The following CAPN15 variants were observed in gnomAD, a reference collection of about 807,000 sequenced individuals.
CAPN15 encodes calpain-15.
Under a neutral mutation model 97.9 loss-of-function variants are expected in CAPN15, and 53 were observed. The observed-to-expected ratio is 0.54, with a 90% confidence interval of 0.43 to 0.68. The LOEUF (loss-of-function observed/expected upper bound fraction) is 0.68. CAPN15 is among the 30% of genes least tolerant of loss of function. CAPN15 has a pLI of 0.00. For synonymous variants in CAPN15, 922 were observed against 722.5 expected, an observed-to-expected ratio of 1.28 and a Z score of -4.43; for missense variants, 1,592 against 1,589.8, an observed-to-expected ratio of 1.00 and a Z score of -0.02.
chr16:541,630 G>C (rs1306079835), intron 3 of CAPN15, among the ~76,000 whole-genome samples: 1 of 152,182 alleles, frequency 6.6e-6, no homozygotes, highest in Non-Finnish European at 1.5e-5. Flanking sequence ...AGACTCACCT[G>C]TTAAAAGAGT....
Position 536,082 on chromosome 16 carries a change from A to G in CAPN15, c.-83A>G. ...TGACCTGACCTGCGTCCTCGGGGCC[A>G]CTGCACTGGGTGATTCACGTGTGCC... On this transcript the variant is annotated 5_prime_UTR_variant, in exon 3 of 14. Coordinates refer to ENST00000219611, the MANE Select transcript of CAPN15 (RefSeq NM_005632.3). 2 of 965,888 alleles carry G rather than the reference A, an allele frequency of 2.1e-6. No homozygotes were observed. The highest frequency in any genetic ancestry group is 2.4e-6 in the Non-Finnish European group (2 of 826,638). 59.8% of individuals were successfully genotyped at this position (965,888 alleles called of 1,614,324 possible).
At chr16:534,909 C>T (rs994957676) in intron 2 of CAPN15, among the ~76,000 whole-genome samples, 12 of 152,168 alleles carry the variant, frequency 7.9e-5, no homozygotes, top group African/African-American at 2.7e-4. Context: ...AGATGTAGGG[C>T]CCAGGAGCAG....
Position 547,092 on chromosome 16 carries a change from G to T in CAPN15, c.254G>T (p.Gly85Val). 6.3e-7 allele frequency: 1 copy of T among 1,590,396 alleles called. No homozygotes were observed. Among genetic ancestry groups the T allele is most frequent in the East Asian group, 2.3e-5 (1 of 44,194 alleles). ...PGAAFLPVLN[G>V]VLPKPPAILG... is the part of the protein sequence containing the mutation. Reference sequence around the variant, plus strand: ...GCTGCCTTCCTGCCAGTCCTCAACGGGGTCCTCCCCAAGCCACCCGCCATC... The same window carrying T: ...GCTGCCTTCCTGCCAGTCCTCAACGTGGTCCTCCCCAAGCCACCCGCCATC... Residue 85 changes from glycine to valine, a missense_variant, in exon 4 of 14, where the codon GGG (glycine) becomes GTG (valine). Physicochemically the swap from Gly to Val is moderately radical, Grantham distance 109. Around this residue, in one of 3 missense-constraint regions of CAPN15, gnomAD observed 883 missense variants for 776.6 expected, o/e 1.14. Transcript: ENST00000219611.
Position 547,579 on chromosome 16 carries a change from C to G in CAPN15, c.741C>G (p.Ser247Arg). The G allele has an allele frequency of 1.3e-6, 2 of 1,581,194 alleles. No homozygotes were observed. The highest frequency in any genetic ancestry group is 1.7e-6 in the Non-Finnish European group (2 of 1,166,538). The part of the protein sequence containing the change: ...STLQNNPVPR[S>R]RREVPPQLQP... ...TGCAGAACAACCCCGTGCCGCGCAG[C>G]CGACGCGAGGTTCCCCCCCAGCTGC... Residue 247 changes from serine (S) to arginine (R), a missense_variant, in exon 4 of 14, where the codon AGC (serine) becomes AGG (arginine). Ser to Arg is a moderately radical substitution (Grantham distance 110). Coordinates refer to ENST00000219611, the MANE Select transcript of CAPN15 (RefSeq NM_005632.3).
At chr16:530,339 G>A (rs924425000) in intron 1 of CAPN15, among the ~76,000 whole-genome samples, 2 of 152,210 alleles carry the variant, frequency 1.3e-5, no homozygotes, top group Non-Finnish European at 2.9e-5. Flanking sequence ...CAGAGCAGGC[G>A]GTCAGTGAGC....
chr16:544,923 C>T (rs2034483391), intron 3 of CAPN15, among the ~76,000 whole-genome samples: 1 of 129,676 alleles, frequency 7.7e-6, no homozygotes, highest in Non-Finnish European at 1.5e-5. Flanking sequence ...CGTCGTCTGC[C>T]CTGAGCCCGC....
At chr16:542,395 G>A (rs940833619) in intron 3 of CAPN15, among the ~76,000 whole-genome samples, 3 of 152,124 alleles carry the variant, frequency 2.0e-5, no homozygotes, top group African/African-American at 7.2e-5. Context: ...GTTCCCACCG[G>A]CAACGCTGGG....
chr16:528,718 C>T, intron 1 of CAPN15: 1 of 985,400 alleles, frequency 1.0e-6, no homozygotes, highest in Non-Finnish European at 1.2e-6. Context: ...TACCGGACTG[C>T]AGGTAACAAG....
rs2035262907 is a variant in CAPN15 at position 553,529 on chromosome 16, G to A, written c.*13G>A. The A allele has an allele frequency of 1.3e-6, 2 of 1,592,526 alleles. No individual in the cohort carries two copies. Among genetic ancestry groups the A allele is most frequent in the Non-Finnish European group, 1.7e-6 (2 of 1,166,248 alleles). On this transcript the variant is annotated 3_prime_UTR_variant, in exon 14 of 14. Transcript: ENST00000219611. ...CCGACCGCTGTGACCACCATGCCTG[G>A]GGCAGGGGCTGTGCACAGACGGACC...
At chr16:542,226 G>C (rs1334535888) in intron 3 of CAPN15, among the ~76,000 whole-genome samples, 1 of 152,248 alleles carries the variant, frequency 6.6e-6, no homozygotes, top group Non-Finnish European at 1.5e-5. Context: ...CGTGGCTTCT[G>C]TGGACAATGC....
rs772660924 is a variant in CAPN15 at position 547,090 on chromosome 16, C to T, written c.252C>T (p.Asn84=). 62 of 1,590,050 alleles carry T rather than the reference C, an allele frequency of 3.9e-5. No homozygotes were observed. The highest frequency in any genetic ancestry group is 4.7e-5 in the Non-Finnish European group (55 of 1,169,852). The part of the protein sequence containing the change: ...APGAAFLPVL[N]GVLPKPPAIL... ...GGGCTGCCTTCCTGCCAGTCCTCAA[C>T]GGGGTCCTCCCCAAGCCACCCGCCA... Residue 84 remains asparagine, a synonymous_variant, in exon 4 of 14, where the codon AAC becomes AAT. Coordinates refer to ENST00000219611, the MANE Select transcript of CAPN15 (RefSeq NM_005632.3).
rs377241143 is a variant in CAPN15, at chr16:548,014, C to G, written c.1176C>G (p.Cys392Trp). Residue 392 changes from cysteine to tryptophan, a missense_variant, in exon 4 of 14, where the codon TGC (cysteine) becomes TGG (tryptophan). By Grantham distance (215) the Cys-to-Trp change is radical. Around this residue, in one of 3 missense-constraint regions of CAPN15, gnomAD observed 883 missense variants for 776.6 expected, o/e 1.14. Transcript: ENST00000219611. Reference protein sequence around the residue: ...PDCGADKPSPCGRSCGRVSSA... With the variant: ...PDCGADKPSPWGRSCGRVSSA... ...GTGGGGCCGACAAGCCCAGCCCCTG[C>G]GGCAGAAGCTGCGGACGGGTGTCCT... 2.5e-6 allele frequency: 4 copies of G among 1,574,778 alleles called. No homozygotes were observed. Among genetic ancestry groups the G allele is most frequent in the Non-Finnish European group, 3.4e-6 (4 of 1,162,488 alleles).
chr16:541,413 G>A (rs1178042111), intron 3 of CAPN15, among the ~76,000 whole-genome samples: 2 of 152,254 alleles, frequency 1.3e-5, no homozygotes, highest in South Asian at 2.1e-4. Flanking sequence ...CTGTCTGCGA[G>A]TTACCCTGAT....
At position 528,733 on chromosome 16, in the gene CAPN15, G is replaced by A. The variant is rs537067367; in HGVS notation, c.-190+704G>A. On this transcript the variant is annotated intron_variant, in intron 1 of 13. Coordinates refer to ENST00000219611, the MANE Select transcript of CAPN15 (RefSeq NM_005632.3). ...TACCGGACTGCAGGTAACAAGACCCGGAAAGCAATGGTGAGGCCCAGAACC... is the reference window on the plus strand; with the variant it reads ...TACCGGACTGCAGGTAACAAGACCCAGAAAGCAATGGTGAGGCCCAGAACC... 110 of 985,448 alleles carry A rather than the reference G, an allele frequency of 1.1e-4. No homozygotes were observed. The Admixed American group carries it at 6.4e-3, about 58-fold the overall frequency. 61.0% of individuals were successfully genotyped at this position (985,448 alleles called of 1,614,324 possible). A position where few individuals can be genotyped will look rare whatever the true frequency, so the allele number is the denominator to read the frequency against.
intron 3 of CAPN15, among the ~76,000 whole-genome samples, chr16:543,741 G>A (rs1403172064): frequency 7.9e-5 from 12 of 152,312 alleles, no homozygotes; most frequent in East Asian, 1.9e-4. Flanking sequence ...TCCCCACCAC[G>A]TGCATGCACA....
chr16:527,851 G>C lies in CAPN15; in HGVS notation c.-368G>C, dbSNP rs1350414304. 6.8e-6 allele frequency: 1 copy of C among 146,914 alleles called. No individual in the cohort carries two copies. Among genetic ancestry groups the C allele is most frequent in the Non-Finnish European group, 1.5e-5 (1 of 65,946 alleles). The allele number at this position is 146,914 out of a possible 1,614,324, so 9.1% of individuals were successfully genotyped here. Reference sequence around the variant, plus strand: ...CAGGGGCCGGGGCCGGAGCCGGGTCGGGGCGCCCCGCGGCTGAGGAGCGGG... The same window carrying C: ...CAGGGGCCGGGGCCGGAGCCGGGTCCGGGCGCCCCGCGGCTGAGGAGCGGG... On this transcript the variant is annotated 5_prime_UTR_variant, in exon 1 of 14. Transcript: ENST00000219611.
chr16:533,596 G>A (rs994639162), intron 1 of CAPN15, among the ~76,000 whole-genome samples: 1 of 152,176 alleles, frequency 6.6e-6, no homozygotes, highest in African/African-American at 2.4e-5. Context: ...TCTTGCCCAC[G>A]GCCTGCTCCT....
intron 1 of CAPN15, among the ~76,000 whole-genome samples, chr16:533,498 G>A (rs2141955144): frequency 6.6e-6 from 1 of 152,312 alleles, no homozygotes; most frequent in Admixed American, 6.5e-5. Flanking sequence ...GCCTGTGCCT[G>A]CCCAAGCTGG....
Position 527,861 on chromosome 16 carries a change from G to A in CAPN15, c.-358G>A, listed in dbSNP as rs947770938. 6 of 146,860 alleles carry A rather than the reference G, an allele frequency of 4.1e-5. No homozygotes were observed. Among genetic ancestry groups the A allele is most frequent in the Non-Finnish European group, 9.1e-5 (6 of 65,956 alleles). 9.1% of individuals were successfully genotyped at this position (146,860 alleles called of 1,614,324 possible). ...GGCCGGAGCCGGGTCGGGGCGCCCCGCGGCTGAGGAGCGGGAGGCCGTCCG... is the reference window on the plus strand; with the variant it reads ...GGCCGGAGCCGGGTCGGGGCGCCCCACGGCTGAGGAGCGGGAGGCCGTCCG... On this transcript the variant is annotated 5_prime_UTR_variant, in exon 1 of 14. Coordinates refer to ENST00000219611, the MANE Select transcript of CAPN15 (RefSeq NM_005632.3).
Sources: gnomAD v4.1 joint callset for allele counts (sites outside exome capture counted in the v4.1 genomes callset) on GRCh38, gnomAD v4.1.1 for gene constraint, gnomAD v4.1.1 regional missense constraint, MANE v1.5 for transcripts, NCBI Gene and HGNC (gene_info 2026-07-23, HGNC 2026-07-21) for gene names.